Variants in NUP98 observed in about 807,000 individuals in gnomAD.
NUP98 encodes nuclear pore complex protein Nup98-Nup96.
In NUP98, 26 loss-of-function variants were observed where a neutral mutation model predicts 191.9. The observed-to-expected ratio is 0.14, with a 90% CI of 0.10 to 0.19. The LOEUF (loss-of-function observed/expected upper bound fraction) is 0.19, where lower values mean the gene tolerates loss of function less well. NUP98 is among the 10% of genes least tolerant of loss of function. The pLI, the probability that NUP98 is intolerant of heterozygous loss-of-function variation, is 1.00. For synonymous variants in NUP98, 808 were observed against 778.4 expected (o/e 1.04, Z -0.63); for missense variants, 1,941 against 2,178.8 (o/e 0.89, Z 2.17).
intron 18 of NUP98, among the ~76,000 whole-genome samples, chr11:3,717,984 C>A (rs962793007): frequency 3.3e-5 from 5 of 152,102 alleles, no homozygotes; most frequent in African/African-American, 1.2e-4. Context: ...CTTCCTAGGG[C>A]TCTGTTGATG....
At chr11:3,782,779 C>T (rs371040267) in intron 1 of NUP98, among the ~76,000 whole-genome samples, 9 of 151,992 alleles carry the variant, frequency 5.9e-5, no homozygotes, top group South Asian at 2.1e-4. Flanking sequence ...AACTCCTGAT[C>T]GAGTGATCCA....
chr11:3,736,794 A>G (rs2080079435), intron 12 of NUP98, among the ~76,000 whole-genome samples: 1 of 152,248 alleles, frequency 6.6e-6, no homozygotes, highest in Admixed American at 6.5e-5. Flanking sequence ...GGCAGCATAC[A>G]AACAAAAATG....
intron 1 of NUP98, among the ~76,000 whole-genome samples, chr11:3,786,454 C>A (rs1017795320): frequency 3.4e-4 from 51 of 152,008 alleles, no homozygotes; most frequent in Middle Eastern, 3.2e-3. Context: ...CTTATTTATA[C>A]CCACTGCAGG....
chr11:3,680,713 T>C (rs1280198743), intron 30 of NUP98, among the ~76,000 whole-genome samples: 1 of 151,842 alleles, frequency 6.6e-6, no homozygotes, highest in Non-Finnish European at 1.5e-5. Context: ...GCCCGACTAA[T>C]TTTTTTGTAC....
At chr11:3,677,706 G>A (rs1431461775) in intron 31 of NUP98, among the ~76,000 whole-genome samples, 3 of 152,106 alleles carry the variant, frequency 2.0e-5, no homozygotes, top group South Asian at 2.1e-4. Context: ...TTGGCATACA[G>A]TGAGTTCTCC....
At chr11:3,784,868 G>T (rs372335282) in intron 1 of NUP98, among the ~76,000 whole-genome samples, 1 of 152,168 alleles carries the variant, frequency 6.6e-6, no homozygotes, top group Non-Finnish European at 1.5e-5. Context: ...CGGGCGCGGT[G>T]GCTCACACCT....
chr11:3,699,267 T>C lies in NUP98; in HGVS notation c.3824A>G (p.Glu1275Gly). 1 of 1,613,378 alleles carries C rather than the reference T, an allele frequency of 6.2e-7. No individual in the cohort carries two copies. The highest frequency in any genetic ancestry group is 8.5e-7 in the Non-Finnish European group (1 of 1,179,292). ...HLKELDSQLN[E>G]PREYIQILER... ...CAGAATTTGAATGTATTCACGGGGT[T>C]CATTTAGCTGGCTGTCAAGCTCCTT... The change falls in exon 25 of 33, where the codon GAA becomes GGA. Residue 1275 changes from glutamate to glycine, a missense_variant. Coordinates refer to ENST00000324932, the MANE Select transcript of NUP98 (RefSeq NM_016320.5).
intron 1 of NUP98, among the ~76,000 whole-genome samples, chr11:3,791,108 G>A (rs999918857): frequency 6.6e-6 from 1 of 151,852 alleles, no homozygotes; most frequent in Non-Finnish European, 1.5e-5. Flanking sequence ...TGTTAGCCAG[G>A]ATGGTCTCGA....
At chr11:3,679,443 G>GCCA in intron 31 of NUP98, 111 bp downstream of exon 31, 1 of 1,219,458 alleles carries the variant, frequency 8.2e-7, no homozygotes, top group Non-Finnish European at 1.2e-6. Flanking sequence ...CTTTGACAGT[G>GCCA]CTATCTCTGT....
chr11:3,762,401 C>T (rs377549690), intron 9 of NUP98, among the ~76,000 whole-genome samples: 9 of 151,970 alleles, frequency 5.9e-5, no homozygotes, highest in Non-Finnish European at 1.2e-4. Context: ...GGATTACAGG[C>T]GTGAGCCACC....
intron 5 of NUP98, among the ~76,000 whole-genome samples, chr11:3,775,121 C>T (rs1013528579): frequency 6.6e-5 from 10 of 152,304 alleles, no homozygotes; most frequent in Non-Finnish European, 1.5e-4. Flanking sequence ...AACACATACA[C>T]AATAAACTTT....
At chr11:3,725,253 A>G in intron 14 of NUP98, 34 bp from the exon 15 acceptor site, 1 of 1,014,302 alleles carries the variant, frequency 9.9e-7, no homozygotes, top group Non-Finnish European at 1.5e-6. Context: ...GAAGAAAAAA[A>G]TTACTCAGGC....
At chr11:3,685,934 G>A (rs1463085550) in intron 29 of NUP98, 39 bp downstream of exon 29, 1 of 1,515,900 alleles carries the variant, frequency 6.6e-7, no homozygotes, top group Non-Finnish European at 9.2e-7. Context: ...GCCCTGTAGT[G>A]CTAGATGTAC....
intron 4 of NUP98, among the ~76,000 whole-genome samples, chr11:3,777,314 TGA>T (rs774667894): frequency 3.9e-5 from 6 of 152,154 alleles, no homozygotes; most frequent in Non-Finnish European, 8.8e-5. Flanking sequence ...GCTGAAAGTA[TGA>T]GAGACACTAC....
At chr11:3,741,732 T>C (rs2080293172) in intron 12 of NUP98, among the ~76,000 whole-genome samples, 1 of 151,992 alleles carries the variant, frequency 6.6e-6, no homozygotes, top group South Asian at 2.1e-4. Flanking sequence ...AAGCAAAATG[T>C]AGTAAAATGT....
intron 20 of NUP98, among the ~76,000 whole-genome samples, chr11:3,710,810 C>T (rs1457919779): frequency 1.3e-5 from 2 of 152,344 alleles, no homozygotes; most frequent in Middle Eastern, 3.4e-3. Flanking sequence ...ACATACCAAG[C>T]TCAAGGCCTT....
chr11:3,754,028 C>T (rs534013717), intron 10 of NUP98, among the ~76,000 whole-genome samples: 1 of 152,192 alleles, frequency 6.6e-6, no homozygotes, highest in African/African-American at 2.4e-5. Context: ...GCAAAGTGAA[C>T]ACACTTGAGC....
At chr11:3,715,385 G>A (rs1258319809) in intron 18 of NUP98, among the ~76,000 whole-genome samples, 4 of 151,698 alleles carry the variant, frequency 2.6e-5, no homozygotes, top group African/African-American at 9.7e-5. Flanking sequence ...CACCTGCCTC[G>A]GCCTCCCAAA....
chr11:3,783,884 T>TA (rs907282676), intron 1 of NUP98, among the ~76,000 whole-genome samples: 2 of 150,612 alleles, frequency 1.3e-5, no homozygotes, highest in African/African-American at 4.9e-5. Context: ...AATGATCAAT[T>TA]AAAAAAAAAT....
Sources: allele counts gnomAD v4.1 joint callset (sites outside exome capture counted in the v4.1 genomes callset), GRCh38; gene constraint gnomAD v4.1.1; transcripts MANE v1.5; gene names NCBI Gene and HGNC (gene_info 2026-07-23, HGNC 2026-07-21).